The following ST8SIA5 variants were observed in gnomAD, a reference collection of about 807,000 sequenced individuals.
ST8SIA5 encodes alpha-2,8-sialyltransferase 8E.
Under a neutral mutation model 40.2 loss-of-function variants are expected in ST8SIA5, and 24 were observed. The observed-to-expected ratio is 0.60, with a 90% confidence interval of 0.43 to 0.84. The LOEUF (loss-of-function observed/expected upper bound fraction) is 0.84. ST8SIA5 is among the 40% of genes least tolerant of loss of function. The pLI, the probability that ST8SIA5 is intolerant of heterozygous loss-of-function variation, is 0.00. For synonymous variants in ST8SIA5, 198 were observed against 201.8 expected, an observed-to-expected ratio of 0.98 and a Z score of 0.16; for missense variants, 465 against 498.5, an observed-to-expected ratio of 0.93 and a Z score of 0.64.
intron 1 of ST8SIA5, among the ~76,000 whole-genome samples, chr18:46,736,583 G>A (rs1038329799): frequency 6.6e-6 from 1 of 152,144 alleles, no homozygotes; most frequent in African/African-American, 2.4e-5. Flanking sequence ...CCTTCTTTTG[G>A]GGGTTGTGGG....
intron 1 of ST8SIA5, among the ~76,000 whole-genome samples, chr18:46,705,280 C>T (rs114117121): frequency 0.013 from 1,958 of 152,280 alleles, 44 homozygotes; most frequent in African/African-American, 0.045. Context: ...CAAGCCCCTT[C>T]CAGCACCAGC....
intron 1 of ST8SIA5, among the ~76,000 whole-genome samples, chr18:46,741,549 C>T (rs2040086562): frequency 6.6e-6 from 1 of 152,200 alleles, no homozygotes; most frequent in East Asian, 1.9e-4. Flanking sequence ...GATTTTAAAA[C>T]CAGGCAAAGA....
intron 1 of ST8SIA5, among the ~76,000 whole-genome samples, chr18:46,726,162 C>T (rs1168607005): frequency 6.8e-6 from 1 of 147,258 alleles, no homozygotes; most frequent in East Asian, 2.0e-4. Flanking sequence ...CCACTGCACT[C>T]CAGCCTGGGT....
At chr18:46,695,067 G>A (rs960893674) in intron 2 of ST8SIA5, among the ~76,000 whole-genome samples, 2 of 151,640 alleles carry the variant, frequency 1.3e-5, no homozygotes, top group South Asian at 4.2e-4. Flanking sequence ...GCTGAGGCAG[G>A]AGAATCGCTT....
intron 1 of ST8SIA5, among the ~76,000 whole-genome samples, chr18:46,722,531 T>C (rs2039873722): frequency 6.6e-6 from 1 of 152,150 alleles, no homozygotes; most frequent in South Asian, 2.1e-4. Flanking sequence ...ACTGATCCGC[T>C]CAAAAGAAAC....
chr18:46,738,595 C>A (rs547530755), intron 1 of ST8SIA5, among the ~76,000 whole-genome samples: 1 of 152,160 alleles, frequency 6.6e-6, no homozygotes, highest in African/African-American at 2.4e-5. Context: ...CTCTGACCAG[C>A]GAAACTGTAA....
intron 1 of ST8SIA5, among the ~76,000 whole-genome samples, chr18:46,705,815 G>A (rs1217040678): frequency 6.6e-6 from 1 of 152,250 alleles, no homozygotes; most frequent in East Asian, 1.9e-4. Flanking sequence ...GCAACACGTA[G>A]TCTGCAAGAA....
chr18:46,748,748 G>T (rs535747033), intron 1 of ST8SIA5, among the ~76,000 whole-genome samples: 1 of 149,538 alleles, frequency 6.7e-6, no homozygotes, highest in South Asian at 2.1e-4. Context: ...GATAATAAAA[G>T]TGTTATCAAG....
At chr18:46,686,020 G>T in intron 5 of ST8SIA5, 154 bp downstream of exon 5, 1 of 695,876 alleles carries the variant, frequency 1.4e-6, no homozygotes, top group Non-Finnish European at 2.5e-6. Context: ...AAGGGATGGG[G>T]CTGGAGAGAA....
intron 1 of ST8SIA5, among the ~76,000 whole-genome samples, chr18:46,721,126 G>C (rs2039858170): frequency 6.6e-6 from 1 of 152,116 alleles, no homozygotes; most frequent in South Asian, 2.1e-4. Flanking sequence ...CCTACCCCCT[G>C]ATAGAAGGGG....
chr18:46,754,985 T>C (rs2040227890), intron 1 of ST8SIA5, among the ~76,000 whole-genome samples: 2 of 152,082 alleles, frequency 1.3e-5, no homozygotes, highest in African/African-American at 4.8e-5. Context: ...CCCAATCAGA[T>C]CCAAGAAGCC....
rs535211523 is a variant in ST8SIA5, at chr18:46,699,536, C to T, written c.224+5036G>A. ...CTGGGAATACAGGCGCCTGCTACTA[C>T]GCCTGGCTAATTTTTTGTATATTCA... is the stretch of plus-strand genomic sequence containing the variant. On this transcript the variant is annotated intron_variant, in intron 2 of 6. Coordinates refer to ENST00000315087, the MANE Select transcript of ST8SIA5 (RefSeq NM_013305.6). 6.2e-4 allele frequency among the ~76,000 whole-genome samples: 95 copies of T among 152,168 alleles called. 1 individual carries two copies. Among genetic ancestry groups the T allele is most frequent in the African/African-American group, 1.7e-3 (70 of 41,516 alleles).
At chr18:46,755,643 T>A (rs940961036) in intron 1 of ST8SIA5, among the ~76,000 whole-genome samples, 2 of 152,226 alleles carry the variant, frequency 1.3e-5, no homozygotes, top group African/African-American at 4.8e-5. Context: ...AATTTCTGAG[T>A]GACACCTCCT....
At chr18:46,755,690 G>A (rs759104606) in intron 1 of ST8SIA5, among the ~76,000 whole-genome samples, 8 of 152,104 alleles carry the variant, frequency 5.3e-5, no homozygotes, top group Non-Finnish European at 8.8e-5. Flanking sequence ...GTGGATTGGG[G>A]TGGAGTAGGG....
rs1364884967 is a variant in ST8SIA5 at position 46,745,588 on chromosome 18, C to A, written c.131+10790G>T. Among the ~76,000 whole-genome samples the A allele has an allele frequency of 2.0e-5, 3 of 152,038 alleles. No homozygotes were observed. The East Asian group carries it at 5.8e-4, about 29-fold the overall frequency. ...AGGCAATAATTAATAGCCTACCAACCAAAAAAAGTCCAGGACCAAACGGAT... is the reference window on the plus strand; with the variant it reads ...AGGCAATAATTAATAGCCTACCAACAAAAAAAAGTCCAGGACCAAACGGAT... On this transcript the variant is annotated intron_variant, in intron 1 of 6. Transcript: ENST00000315087.
At chr18:46,751,830 C>CA (rs1205212347) in intron 1 of ST8SIA5, among the ~76,000 whole-genome samples, 1 of 152,152 alleles carries the variant, frequency 6.6e-6, no homozygotes, top group Non-Finnish European at 1.5e-5. Context: ...TAACATATGC[C>CA]ATACTGTGCT....
At chr18:46,734,470 T>C (rs1372601619) in intron 1 of ST8SIA5, among the ~76,000 whole-genome samples, 3 of 152,058 alleles carry the variant, frequency 2.0e-5, no homozygotes, top group Non-Finnish European at 4.4e-5. Flanking sequence ...GGCAGAAATT[T>C]CACTCTTCCT....
At chr18:46,706,474 G>T (rs2155986) in intron 1 of ST8SIA5, among the ~76,000 whole-genome samples, 1 of 152,044 alleles carries the variant, frequency 6.6e-6, no homozygotes, top group Non-Finnish European at 1.5e-5. Context: ...TATTGGGTTG[G>T]TACAAAAGCA....
chr18:46,681,427 C>G (rs969575838), intron 6 of ST8SIA5, among the ~76,000 whole-genome samples: 3 of 152,202 alleles, frequency 2.0e-5, no homozygotes, highest in African/African-American at 7.2e-5. Flanking sequence ...CTTACATGTC[C>G]TCTGACCTGG....
Sources: allele counts gnomAD v4.1 joint callset (sites outside exome capture counted in the v4.1 genomes callset), GRCh38; gene constraint gnomAD v4.1.1; transcripts MANE v1.5; gene names NCBI Gene and HGNC (gene_info 2026-07-23, HGNC 2026-07-21).